Variants in DACH2 observed in about 807,000 individuals in gnomAD.
DACH2 encodes the protein dachshund family transcription factor 2.
In DACH2, 17 loss-of-function variants were observed where a neutral mutation model predicts 35.8. That is an observed-to-expected ratio of 0.48 (90% CI 0.33 to 0.71). DACH2 has a LOEUF of 0.71. Among genes scored for constraint, DACH2 ranks in the 30% least tolerant of loss-of-function variants. DACH2 has a pLI of 0.02. For synonymous variants in DACH2, 195 were observed against 177.3 expected (o/e 1.10, Z -0.79); for missense variants, 469 against 472.7 (o/e 0.99, Z 0.07).
intron 2 of DACH2, among the ~76,000 whole-genome samples, chrX:86,487,818 C>T (rs1201030801): frequency 9.0e-6 from 1 of 111,624 alleles, no homozygotes; most frequent in East Asian, 2.8e-4. Flanking sequence ...AAAAATATTT[C>T]TCCACGAAGT....
At position 86,651,090 on chromosome X, in the gene DACH2, T is replaced by C; in HGVS notation, c.695T>C (p.Met232Thr). 1 of 1,209,222 alleles carries C rather than the reference T, an allele frequency of 8.3e-7. No individual in the cohort carries two copies. The highest frequency in any genetic ancestry group is 1.1e-6 in the Non-Finnish European group (1 of 894,078). The change falls in exon 4 of 12, where the codon ATG (methionine) becomes ACG (threonine). Residue 232 changes from methionine (M) to threonine (T), a missense_variant. This residue lies in a region of DACH2 where 363 missense variants were observed against 334.4 expected (regional missense o/e 1.09). Coordinates refer to ENST00000373125, the MANE Select transcript of DACH2 (RefSeq NM_053281.3). ...ATGAAACTTCAGAAGATGAAGCTTATGGCTATGAACACTCTTCAGGGAAAT... is the reference window on the plus strand; with the variant it reads ...ATGAAACTTCAGAAGATGAAGCTTACGGCTATGAACACTCTTCAGGGAAAT... ...EAMKLQKMKL[M>T]AMNTLQGNGS... is the part of the protein sequence containing the mutation.
At chrX:86,792,417 A>G (rs967029691) in intron 7 of DACH2, among the ~76,000 whole-genome samples, 6 of 111,243 alleles carry the variant, frequency 5.4e-5, no homozygotes, top group Non-Finnish European at 9.4e-5. Flanking sequence ...AATATATAAT[A>G]TATTATTGTT....
intron 1 of DACH2, among the ~76,000 whole-genome samples, chrX:86,256,480 A>G (rs180768993): frequency 8.1e-5 from 9 of 111,472 alleles, no homozygotes; most frequent in East Asian, 5.7e-4. Flanking sequence ...GATGCTTTCA[A>G]TGGTTCCATA....
chrX:86,252,458 TA>T (rs781493126), intron 1 of DACH2, among the ~76,000 whole-genome samples: 1 of 111,563 alleles, frequency 9.0e-6, no homozygotes, highest in African/African-American at 3.2e-5. Context: ...TTATCTTCTA[TA>T]ATTTTTATAG....
intron 2 of DACH2, among the ~76,000 whole-genome samples, chrX:86,475,282 G>A (rs765786079): frequency 9.0e-6 from 1 of 111,412 alleles, no homozygotes; most frequent in Non-Finnish European, 1.9e-5. Context: ...GCTTAGGGTA[G>A]TATGGACAAC....
chrX:86,187,921 T>G (rs2031728597), intron 1 of DACH2, among the ~76,000 whole-genome samples: 2 of 111,909 alleles, frequency 1.8e-5, no homozygotes, highest in Admixed American at 1.9e-4. Flanking sequence ...GAAATAATAA[T>G]GAAATCTTAG....
chrX:86,497,804 G>A (rs772593964), intron 2 of DACH2, among the ~76,000 whole-genome samples: 16 of 110,891 alleles, frequency 1.4e-4, no homozygotes, highest in Non-Finnish European at 3.0e-4. Flanking sequence ...GACCAGCTTG[G>A]CCAACATGGC....
At chrX:86,552,316 C>T (rs1602637875) in intron 3 of DACH2, among the ~76,000 whole-genome samples, 1 of 111,886 alleles carries the variant, frequency 8.9e-6, no homozygotes, top group East Asian at 2.8e-4. Flanking sequence ...TTGCACCAAA[C>T]ATTGATCTTC....
At chrX:86,288,573 T>C (rs1602360205) in intron 1 of DACH2, among the ~76,000 whole-genome samples, 1 of 112,332 alleles carries the variant, frequency 8.9e-6, no homozygotes, top group South Asian at 3.7e-4. Context: ...TCTATTGTAC[T>C]GTGGCTACCC....
At chrX:86,184,987 C>T (rs1160959579) in intron 1 of DACH2, among the ~76,000 whole-genome samples, 1 of 111,511 alleles carries the variant, frequency 9.0e-6, no homozygotes, top group East Asian at 2.8e-4. Flanking sequence ...ATGCAAGAGG[C>T]TTATCTTCTC....
At chrX:86,397,097 G>A (rs1368600922) in intron 2 of DACH2, among the ~76,000 whole-genome samples, 2 of 109,715 alleles carry the variant, frequency 1.8e-5, no homozygotes, top group African/African-American at 6.7e-5. Context: ...CCTTGAAGAG[G>A]TCCTTCACAT....
In DACH2 at chrX:86,824,567, G is replaced by C. The variant is rs186793789; in HGVS notation, c.1751-7539G>C. On this transcript the variant is annotated intron_variant, in intron 11 of 11. Transcript: ENST00000373125. ...GATTAAGAGATTAAAGTAAGACAGG[G>C]GTAAGAAATTATGAAAGTATCATTT... Among the ~76,000 whole-genome samples, 174 of 111,736 alleles carry C rather than the reference G, an allele frequency of 1.6e-3. 1 individual carries two copies. Among genetic ancestry groups the C allele is most frequent in the African/African-American group, 5.5e-3 (170 of 30,775 alleles).
At chrX:86,387,016 C>T (rs1204808253) in intron 2 of DACH2, among the ~76,000 whole-genome samples, 1 of 111,624 alleles carries the variant, frequency 9.0e-6, no homozygotes, top group Non-Finnish European at 1.9e-5. Flanking sequence ...TAACATCCAG[C>T]AGCAAGAAAA....
At chrX:86,201,427 C>T (rs2032153899) in intron 1 of DACH2, among the ~76,000 whole-genome samples, 1 of 110,726 alleles carries the variant, frequency 9.0e-6, no homozygotes, top group African/African-American at 3.3e-5. Flanking sequence ...ACATGTACCC[C>T]TGAACTTAAA....
At position 86,348,881 on chromosome X, in the gene DACH2, G is replaced by A. The variant is rs191164987; in HGVS notation, c.489-27943G>A. ...CCGCTGCTCATAACCCCTAGGGGGAGCAGGCAGACGGGCAGGTTGTGGGGA... is the reference window on the plus strand; with the variant it reads ...CCGCTGCTCATAACCCCTAGGGGGAACAGGCAGACGGGCAGGTTGTGGGGA... On this transcript the variant is annotated intron_variant, in intron 1 of 11. Transcript: ENST00000373125. Among the ~76,000 whole-genome samples, 56 of 112,611 alleles carry A rather than the reference G, an allele frequency of 5.0e-4. 1 individual carries two copies. The highest frequency in any genetic ancestry group is 8.6e-4 in the Non-Finnish European group (46 of 53,256).
At chrX:86,290,886 G>C (rs1158402368) in intron 1 of DACH2, among the ~76,000 whole-genome samples, 1 of 106,803 alleles carries the variant, frequency 9.4e-6, no homozygotes, top group African/African-American at 3.5e-5. Context: ...TTTTGGCTTA[G>C]GATTGACTTG....
At chrX:86,314,917 G>A (rs780860187) in intron 1 of DACH2, among the ~76,000 whole-genome samples, 1 of 112,477 alleles carries the variant, frequency 8.9e-6, no homozygotes, top group African/African-American at 3.2e-5. Context: ...ATAAAACAGC[G>A]AGGTGAAGCA....
intron 4 of DACH2, among the ~76,000 whole-genome samples, chrX:86,671,306 G>A (rs756990821): frequency 2.0e-4 from 22 of 111,995 alleles, no homozygotes; most frequent in Admixed American, 9.5e-5. Flanking sequence ...TATTAATTTG[G>A]TAATACCAGA....
chrX:86,230,265 T>C (rs775511489), intron 1 of DACH2, among the ~76,000 whole-genome samples: 13 of 111,539 alleles, frequency 1.2e-4, no homozygotes, highest in Non-Finnish European at 2.3e-4. Flanking sequence ...GAATCACATT[T>C]ATTGGCTTGC....
Sources: gnomAD v4.1 joint callset for allele counts (sites outside exome capture counted in the v4.1 genomes callset) on GRCh38, gnomAD v4.1.1 for gene constraint, gnomAD v4.1.1 regional missense constraint, MANE v1.5 for transcripts, NCBI Gene and HGNC (gene_info 2026-07-23, HGNC 2026-07-21) for gene names.